Variants in CLEC16A observed in about 807,000 individuals in gnomAD.
CLEC16A encodes the protein C-type lectin domain containing 16A, also known as protein CLEC16A.
CLEC16A carries 51 observed loss-of-function variants against 109.5 expected under a neutral mutation model. The ratio of observed to expected loss-of-function variants is 0.47; its 90% CI spans 0.37 to 0.59. The LOEUF (loss-of-function observed/expected upper bound fraction) is 0.59, where lower values mean the gene tolerates loss of function less well. Ranked by LOEUF, CLEC16A falls within the 20% of genes least tolerant of loss-of-function variation. The pLI is 0.00. For missense variants in CLEC16A, 1,339 were observed against 1,394.0 expected, an observed-to-expected ratio of 0.96 and a Z score of 0.63; for synonymous variants, 673 against 564.2, an observed-to-expected ratio of 1.19 and a Z score of -2.73.
Position 11,083,677 on chromosome 16 carries a change from T to A in CLEC16A, c.2116+22655T>A, listed in dbSNP as rs557886162. Among the ~76,000 whole-genome samples the A allele has an allele frequency of 7.2e-5, 11 of 152,358 alleles. No homozygotes were observed. The South Asian group carries it at 2.3e-3, about 32-fold the overall frequency. On this transcript the variant is annotated intron_variant, in intron 19 of 23. Coordinates refer to ENST00000409790, the MANE Select transcript of CLEC16A (RefSeq NM_015226.3). ...AATATCTGCCAGTTTCCTCCAACAC[T>A]GATTTGGGCTAAAGGAGCCCAGAAT...
At chr16:11,004,823 G>A (rs1352588874) in intron 11 of CLEC16A, among the ~76,000 whole-genome samples, 1 of 151,880 alleles carries the variant, frequency 6.6e-6, no homozygotes, top group Non-Finnish European at 1.5e-5. Context: ...TGTTTAAAGT[G>A]TGCAATAGGT....
At chr16:10,946,159 A>G (rs1158652334) in intron 1 of CLEC16A, among the ~76,000 whole-genome samples, 1 of 152,208 alleles carries the variant, frequency 6.6e-6, no homozygotes, top group East Asian at 1.9e-4. Flanking sequence ...AGAAATAGGC[A>G]GGTTTCCAGA....
intron 3 of CLEC16A, 41 bp from the exon 4 acceptor site, chr16:10,969,120 T>A: frequency 6.4e-7 from 1 of 1,559,248 alleles, no homozygotes; most frequent in Non-Finnish European, 8.7e-7. Context: ...TTATCTTTCC[T>A]CCAGCATGAG....
chr16:10,982,609 C>G (rs1446239913), intron 9 of CLEC16A, among the ~76,000 whole-genome samples: 2 of 152,182 alleles, frequency 1.3e-5, no homozygotes, highest in Non-Finnish European at 2.9e-5. Flanking sequence ...TTGGCTTCAC[C>G]CAGCCATGAG....
intron 10 of CLEC16A, among the ~76,000 whole-genome samples, chr16:11,002,166 T>C (rs918735000): frequency 6.6e-6 from 1 of 152,234 alleles, no homozygotes; most frequent in Admixed American, 6.5e-5. Context: ...TGCTTCAGTT[T>C]CTTCACCTGT....
rs1014429834 is a variant in CLEC16A, at chr16:11,150,607, C to G, written c.2642-15781C>G. ...TTGCCATCATGTCAGAAGCACTTCC[C>G]TGTACTGTAAAATGCCTCTTCTAAA... is the stretch of plus-strand genomic sequence containing the variant. On this transcript the variant is annotated intron_variant, in intron 22 of 23. Transcript: ENST00000409790. Among the ~76,000 whole-genome samples the G allele has an allele frequency of 4.6e-5, 7 of 152,340 alleles. No individual in the cohort carries two copies. In the South Asian group the frequency reaches 8.3e-4, roughly 18 times the overall value.
chr16:11,105,470 A>G (rs908249615), intron 19 of CLEC16A, among the ~76,000 whole-genome samples: 3 of 152,222 alleles, frequency 2.0e-5, no homozygotes, highest in African/African-American at 7.2e-5. Context: ...CTCATCCTCC[A>G]TTCTCCCAAG....
chr16:11,141,390 A>G (rs2053819721), intron 22 of CLEC16A, among the ~76,000 whole-genome samples: 1 of 152,186 alleles, frequency 6.6e-6, no homozygotes, highest in Non-Finnish European at 1.5e-5. Context: ...ATGGAAAAGG[A>G]TGACCATGGG....
intron 7 of CLEC16A, among the ~76,000 whole-genome samples, chr16:10,976,084 G>T (rs552988569): frequency 6.6e-6 from 1 of 152,152 alleles, no homozygotes; most frequent in African/African-American, 2.4e-5. Context: ...GGGCAACATG[G>T]TGAGACCCCT....
chr16:11,057,534 A>G (rs2048271986), intron 18 of CLEC16A, among the ~76,000 whole-genome samples: 1 of 152,246 alleles, frequency 6.6e-6, no homozygotes, highest in Non-Finnish European at 1.5e-5. Flanking sequence ...TGAGTTTGCC[A>G]GAATTTGCTT....
At chr16:11,062,989 C>T (rs1355799058) in intron 19 of CLEC16A, among the ~76,000 whole-genome samples, 3 of 152,140 alleles carry the variant, frequency 2.0e-5, no homozygotes, top group Non-Finnish European at 2.9e-5. Context: ...TGGGAATTCA[C>T]ATTCCTTCTC....
chr16:11,061,212 T>A (rs1440203739), intron 19 of CLEC16A, among the ~76,000 whole-genome samples, 190 bp downstream of exon 19: 1 of 152,182 alleles, frequency 6.6e-6, no homozygotes, highest in Non-Finnish European at 1.5e-5. Context: ...CTGGGTTCTC[T>A]GAGATCAGTT....
intron 13 of CLEC16A, among the ~76,000 whole-genome samples, chr16:11,036,544 C>CTTTTTTTTTTTTTTTTTTTT (rs71404440): frequency 1.5e-4 from 20 of 131,934 alleles, no homozygotes; most frequent in African/African-American, 5.3e-4. Context: ...TCTAATTTTC[C>CTTTTTTTTTTTTTTTTTTTT]TTTTTTTTTT....
chr16:10,964,772 G>A (rs1238812459), intron 3 of CLEC16A, among the ~76,000 whole-genome samples: 1 of 152,124 alleles, frequency 6.6e-6, no homozygotes, highest in African/African-American at 2.4e-5. Context: ...TGTACAACTT[G>A]ATTTAATATA....
chr16:11,065,020 C>T (rs1436392055), intron 19 of CLEC16A, among the ~76,000 whole-genome samples: 1 of 152,278 alleles, frequency 6.6e-6, no homozygotes, highest in East Asian at 1.9e-4. Flanking sequence ...ACATTCAGGT[C>T]ATTGCTCGGA....
chr16:11,103,770 C>G (rs184677666), intron 19 of CLEC16A, among the ~76,000 whole-genome samples: 175 of 152,244 alleles, frequency 1.1e-3, no homozygotes, highest in Non-Finnish European at 2.2e-3. Context: ...TCTTACCCAT[C>G]TCTGTGGTCC....
chr16:11,160,229 C>T (rs945529991), intron 22 of CLEC16A, among the ~76,000 whole-genome samples: 3 of 152,146 alleles, frequency 2.0e-5, no homozygotes, highest in Admixed American at 1.3e-4. Flanking sequence ...GGTCGGGGGG[C>T]GTCCCTGCTC....
intron 1 of CLEC16A, among the ~76,000 whole-genome samples, chr16:10,947,841 G>T (rs1391350513): frequency 2.0e-5 from 3 of 152,006 alleles, no homozygotes; most frequent in Non-Finnish European, 2.9e-5. Context: ...ATAGTTAAAA[G>T]AATTATTTAT....
intron 5 of CLEC16A, among the ~76,000 whole-genome samples, chr16:10,971,773 T>C (rs1202235556): frequency 6.6e-6 from 1 of 152,208 alleles, no homozygotes; most frequent in African/African-American, 2.4e-5. Context: ...CACTCTCCGC[T>C]GCACTGACAC....
Sources: gnomAD v4.1 joint callset for allele counts (sites outside exome capture counted in the v4.1 genomes callset) on GRCh38, gnomAD v4.1.1 for gene constraint, MANE v1.5 for transcripts, NCBI Gene and HGNC (gene_info 2026-07-23, HGNC 2026-07-21) for gene names.